IPO11: variants seen among roughly 807,000 people sequenced by gnomAD.
IPO11 encodes the protein importin 11, also known as importin-11.
Under a neutral mutation model 143.2 loss-of-function variants are expected in IPO11, and 66 were observed. The ratio of observed to expected loss-of-function variants is 0.46; its 90% CI spans 0.38 to 0.57. The LOEUF (loss-of-function observed/expected upper bound fraction) is 0.57. IPO11 is among the 20% of genes least tolerant of loss of function. The pLI is 0.00. For missense variants in IPO11, 1,026 were observed against 1,141.0 expected (o/e 0.90, Z 1.45); for synonymous variants, 385 against 377.8 (o/e 1.02, Z -0.22).
At chr5:62,498,677 C>T (rs1741238310) in intron 16 of IPO11, among the ~76,000 whole-genome samples, 1 of 151,980 alleles carries the variant, frequency 6.6e-6, no homozygotes, top group Non-Finnish European at 1.5e-5. Context: ...TCACCTGAGC[C>T]TGGCCAACAT....
In IPO11 at chr5:62,561,255, T is replaced by C. The variant is rs909062670; in HGVS notation, c.2580T>C (p.Asn860=). The C allele has an allele frequency of 5.4e-6, 8 of 1,482,174 alleles. No individual in the cohort carries two copies. The highest frequency in any genetic ancestry group is 1.7e-5 in the African/African-American group (1 of 57,574). 91.8% of individuals were successfully genotyped at this position (1,482,174 alleles called of 1,614,324 possible). A position where few individuals can be genotyped will look rare whatever the true frequency, so the allele number is the denominator to read the frequency against. Residue 860 remains asparagine (N), a splice_region_variant and synonymous_variant, in exon 27 of 30, where the codon AAT becomes AAC. Transcript: ENST00000325324. ...LALLSLLPSD[N]SVIQDKFCGI... The stretch of plus-strand genomic sequence containing the variant: ...TGCTCTCTCTTCTGCCATCTGATAA[T>C]AGGTGAGGAAATGTTTTCTTAAAAT...
intron 10 of IPO11, 113 bp downstream of exon 10, chr5:62,483,406 G>T: frequency 1.5e-6 from 1 of 658,492 alleles, no homozygotes; most frequent in Non-Finnish European, 2.5e-6. Flanking sequence ...ATAAATTGTT[G>T]CTGGGACATG....
chr5:62,454,403 A>G (rs932216622), intron 5 of IPO11, among the ~76,000 whole-genome samples: 2 of 152,164 alleles, frequency 1.3e-5, no homozygotes, highest in African/African-American at 2.4e-5. Context: ...TCAATTGTCT[A>G]GAAGATTCTT....
intron 1 of IPO11, among the ~76,000 whole-genome samples, chr5:62,421,492 TAA>T (rs1743513630): frequency 6.6e-6 from 1 of 152,232 alleles, no homozygotes; most frequent in Non-Finnish European, 1.5e-5. Context: ...TGAACAAAAG[TAA>T]AAGTGTTTAA....
chr5:62,429,995 G>A (rs767639099), intron 1 of IPO11, among the ~76,000 whole-genome samples: 3 of 152,134 alleles, frequency 2.0e-5, no homozygotes, highest in Non-Finnish European at 4.4e-5. Context: ...TGGACCTCGG[G>A]ATCTGCCCAC....
At chr5:62,445,846 A>G (rs1013726064) in intron 3 of IPO11, among the ~76,000 whole-genome samples, 2 of 152,132 alleles carry the variant, frequency 1.3e-5, no homozygotes, top group Admixed American at 1.3e-4. Context: ...GTAAGTCAGT[A>G]TCATCTGTAT....
chr5:62,437,188 T>C, intron 1 of IPO11, 86 bp from the exon 2 acceptor site: 1 of 1,089,572 alleles, frequency 9.2e-7, no homozygotes, highest in African/African-American at 1.6e-5. Context: ...ATTCAGAACA[T>C]GAAAGCTTTT....
intron 29 of IPO11, among the ~76,000 whole-genome samples, chr5:62,622,197 T>G (rs1005498731): frequency 6.6e-6 from 1 of 152,170 alleles, no homozygotes; most frequent in African/African-American, 2.4e-5. Context: ...TAGCAGTGCT[T>G]CTTATTTTTG....
intron 27 of IPO11, 36 bp downstream of exon 27, chr5:62,561,293 A>ATCCCAGCACTTTGGGAGGCCAAG: frequency 3.5e-6 from 2 of 577,470 alleles, no homozygotes; most frequent in Admixed American, 4.6e-5. Flanking sequence ...GTTTCTTTCA[A>ATCCCAGCACTTTGGGAGGCCAAG]GCATCAAAAT....
rs115238507 is a variant in IPO11, at chr5:62,461,234, G to C, written c.517-5897G>C. 7.2e-3 allele frequency among the ~76,000 whole-genome samples: 1,096 copies of C among 152,118 alleles called. 14 individuals carry two copies. The highest frequency in any genetic ancestry group is 0.025 in the African/African-American group (1,031 of 41,476). ...GCAGGGATGGAAAGGGTGGGAGGTT[G>C]GGGGGATGGGGGGTTGAGAGGATGG... On this transcript the variant is annotated intron_variant, in intron 5 of 29. Transcript: ENST00000325324.
intron 24 of IPO11, among the ~76,000 whole-genome samples, chr5:62,540,681 T>C (rs1314987552): frequency 6.6e-6 from 1 of 152,252 alleles, no homozygotes; most frequent in African/African-American, 2.4e-5. Context: ...TTAGTCTTTG[T>C]TCCTCATTTT....
intron 1 of IPO11, among the ~76,000 whole-genome samples, chr5:62,427,414 A>G (rs1743796701): frequency 6.6e-6 from 1 of 152,186 alleles, no homozygotes; most frequent in African/African-American, 2.4e-5. Flanking sequence ...TTTTCCTCCC[A>G]AACAAACCAG....
intron 2 of IPO11, 120 bp from the exon 3 acceptor site, chr5:62,442,863 A>AGAAACAAAACAAAAC: frequency 2.1e-6 from 1 of 467,828 alleles, no homozygotes; most frequent in East Asian, 3.8e-5. Flanking sequence ...AAACTGTCTC[A>AGAAACAAAACAAAAC]AAAACAAAAC....
At chr5:62,594,229 A>G (rs993676064) in intron 28 of IPO11, among the ~76,000 whole-genome samples, 1 of 152,194 alleles carries the variant, frequency 6.6e-6, no homozygotes, top group African/African-American at 2.4e-5. Context: ...ATTGGCTCAC[A>G]TGATTATGGA....
intron 26 of IPO11, among the ~76,000 whole-genome samples, chr5:62,560,249 A>G (rs889900523): frequency 6.6e-6 from 1 of 152,192 alleles, no homozygotes; most frequent in African/African-American, 2.4e-5. Context: ...TTAGCATTCA[A>G]GATGGAGTCA....
chr5:62,509,310 T>C (rs1246824325), intron 19 of IPO11, among the ~76,000 whole-genome samples: 1 of 152,180 alleles, frequency 6.6e-6, no homozygotes, highest in Non-Finnish European at 1.5e-5. Context: ...AGATGAGGTG[T>C]CCTTAGGAAC....
intron 24 of IPO11, among the ~76,000 whole-genome samples, 177 bp downstream of exon 24, chr5:62,537,466 G>A (rs1742773726): frequency 6.6e-6 from 1 of 152,088 alleles, no homozygotes; most frequent in Non-Finnish European, 1.5e-5. Context: ...AAATCTGAAG[G>A]TGCATACACC....
intron 27 of IPO11, chr5:62,580,596 G>C: frequency 6.4e-7 from 1 of 1,551,398 alleles, no homozygotes; most frequent in Non-Finnish European, 8.7e-7. Context: ...TCTATTGTCA[G>C]AATCCCCCAT....
Position 62,483,081 on chromosome 5 carries a change from A to G in IPO11, c.829-20A>G, listed in dbSNP as rs774145566. ...TTGGGGAAAATACATTTTAATTTTT[A>G]TTTATTTATTTTTCTACAGCTTTTG... On this transcript the variant is annotated intron_variant, in intron 9 of 29. Transcript: ENST00000325324. 4.2e-6 allele frequency: 6 copies of G among 1,420,728 alleles called. No homozygotes were observed. In the South Asian group the frequency reaches 5.0e-5, roughly 12 times the overall value. 88.0% of individuals were successfully genotyped at this position (1,420,728 alleles called of 1,614,324 possible). A position where few individuals can be genotyped will look rare whatever the true frequency, so the allele number is the denominator to read the frequency against.
Sources: allele counts gnomAD v4.1 joint callset (sites outside exome capture counted in the v4.1 genomes callset), GRCh38; gene constraint gnomAD v4.1.1; transcripts MANE v1.5; gene names NCBI Gene and HGNC (gene_info 2026-07-23, HGNC 2026-07-21).